Variants in CCSER1 observed in about 807,000 individuals in gnomAD.
The protein encoded by CCSER1 is serine-rich coiled-coil domain-containing protein 1.
Under a neutral mutation model 82.0 loss-of-function variants are expected in CCSER1, and 41 were observed. The ratio of observed to expected loss-of-function variants is 0.50; its 90% CI spans 0.39 to 0.65. The LOEUF (loss-of-function observed/expected upper bound fraction) is 0.65. Ranked by LOEUF, CCSER1 falls within the 30% of genes least tolerant of loss-of-function variation. The pLI, the probability that CCSER1 is intolerant of heterozygous loss-of-function variation, is 0.00. For synonymous variants in CCSER1, 414 were observed against 383.9 expected (o/e 1.08, Z -0.92); for missense variants, 1,119 against 1,064.2 (o/e 1.05, Z -0.72).
intron 10 of CCSER1, 26 bp from the exon 11 acceptor site, chr4:91,598,546 C>A (rs1213512596): frequency 6.6e-7 from 1 of 1,518,388 alleles, no homozygotes; most frequent in Non-Finnish European, 8.8e-7. Flanking sequence ...TTTAAGACAT[C>A]TTTTTCTTTC....
At chr4:91,453,954 T>C (rs1227376395) in intron 10 of CCSER1, among the ~76,000 whole-genome samples, 2 of 152,096 alleles carry the variant, frequency 1.3e-5, no homozygotes, top group East Asian at 1.9e-4. Flanking sequence ...TAATGAGGTA[T>C]GTTTACAGTG....
chr4:91,347,064 C>G (rs1429823349), intron 10 of CCSER1, among the ~76,000 whole-genome samples: 1 of 151,932 alleles, frequency 6.6e-6, no homozygotes, highest in Non-Finnish European at 1.5e-5. Context: ...AATTCATCAC[C>G]AAACTCAAGG....
At chr4:91,451,842 C>T (rs1393409118) in intron 10 of CCSER1, among the ~76,000 whole-genome samples, 1 of 151,614 alleles carries the variant, frequency 6.6e-6, no homozygotes, top group African/African-American at 2.4e-5. Context: ...ATGCAAAGTC[C>T]CAGTTTCATA....
intron 8 of CCSER1, among the ~76,000 whole-genome samples, chr4:90,888,411 T>C (rs1356676522): frequency 6.6e-6 from 1 of 152,146 alleles, no homozygotes; most frequent in African/African-American, 2.4e-5. Flanking sequence ...GAAAGAGTAG[T>C]GAACAAGAAG....
At chr4:91,087,760 T>C (rs1723529268) in intron 10 of CCSER1, among the ~76,000 whole-genome samples, 1 of 152,102 alleles carries the variant, frequency 6.6e-6, no homozygotes, top group Non-Finnish European at 1.5e-5. Flanking sequence ...AAAGTAAATG[T>C]CAACTATTAA....
At chr4:90,361,538 G>T (rs1420734545) in intron 3 of CCSER1, among the ~76,000 whole-genome samples, 1 of 152,154 alleles carries the variant, frequency 6.6e-6, no homozygotes, top group African/African-American at 2.4e-5. Flanking sequence ...GGGTATTTGT[G>T]AAAGTTTGTT....
At chr4:90,266,063 C>G (rs887530693) in intron 1 of CCSER1, among the ~76,000 whole-genome samples, 1 of 152,034 alleles carries the variant, frequency 6.6e-6, no homozygotes, top group Non-Finnish European at 1.5e-5. Flanking sequence ...ACAACCATAG[C>G]TAAATATTTA....
chr4:91,297,395 G>GTGTGTA, intron 10 of CCSER1, among the ~76,000 whole-genome samples: 1 of 146,910 alleles, frequency 6.8e-6, no homozygotes, highest in Admixed American at 6.9e-5. Flanking sequence ...ATGTGTGTGT[G>GTGTGTA]TGTGTGTGTG....
intron 3 of CCSER1, among the ~76,000 whole-genome samples, chr4:90,384,052 G>T (rs1653489973): frequency 6.6e-6 from 1 of 151,766 alleles, no homozygotes; most frequent in African/African-American, 2.4e-5. Flanking sequence ...TGAACTACCA[G>T]GCCCAGCCAA....
At chr4:90,482,320 C>T (rs1010408259) in intron 5 of CCSER1, among the ~76,000 whole-genome samples, 8 of 152,090 alleles carry the variant, frequency 5.3e-5, no homozygotes, top group African/African-American at 1.9e-4. Flanking sequence ...TTCAAAAAAC[C>T]AGCTCCTGGA....
chr4:91,246,464 G>A (rs1189522195), intron 10 of CCSER1, among the ~76,000 whole-genome samples: 1 of 152,052 alleles, frequency 6.6e-6, no homozygotes, highest in Admixed American at 6.6e-5. Context: ...GGAAAGACAG[G>A]CAAGAAGACT....
At chr4:91,197,301 G>A (rs186452307) in intron 10 of CCSER1, among the ~76,000 whole-genome samples, 69 of 152,204 alleles carry the variant, frequency 4.5e-4, no homozygotes, top group Admixed American at 7.9e-4. Flanking sequence ...CTAATTGGTA[G>A]GACCCATCCT....
intron 10 of CCSER1, among the ~76,000 whole-genome samples, chr4:91,296,483 A>ATATTTATTTATTTATTTATT (rs1553921463): frequency 1.6e-5 from 2 of 124,068 alleles, no homozygotes; most frequent in African/African-American, 6.9e-5. Flanking sequence ...ATATATATAT[A>ATATTTATTTATTTATTTATT]TATTTTAATT....
intron 10 of CCSER1, among the ~76,000 whole-genome samples, chr4:91,090,372 G>A (rs1464782870): frequency 6.6e-6 from 1 of 152,088 alleles, no homozygotes; most frequent in Non-Finnish European, 1.5e-5. Flanking sequence ...AATTCTGGGT[G>A]GGCTCAAACA....
intron 1 of CCSER1, among the ~76,000 whole-genome samples, chr4:90,217,735 T>G (rs1357967140): frequency 6.6e-6 from 1 of 152,156 alleles, no homozygotes; most frequent in Non-Finnish European, 1.5e-5. Flanking sequence ...GTGTGTTTGT[T>G]ATAAATGGCT....
chr4:91,135,089 AT>A (rs1728346843), intron 10 of CCSER1, among the ~76,000 whole-genome samples: 1 of 151,812 alleles, frequency 6.6e-6, no homozygotes, highest in South Asian at 2.1e-4. Flanking sequence ...TTCTTACTTA[AT>A]TTTCCCCCCA....
intron 10 of CCSER1, among the ~76,000 whole-genome samples, chr4:91,106,306 T>C (rs908992588): frequency 1.3e-5 from 2 of 152,188 alleles, no homozygotes; most frequent in African/African-American, 4.8e-5. Context: ...TGAATAACTT[T>C]CCCGAAGTCA....
intron 8 of CCSER1, among the ~76,000 whole-genome samples, chr4:90,899,707 T>A (rs1231845551): frequency 6.6e-6 from 1 of 152,058 alleles, no homozygotes; most frequent in East Asian, 1.9e-4. Flanking sequence ...ACTGAGATAA[T>A]GATAGGGTTT....
intron 6 of CCSER1, among the ~76,000 whole-genome samples, chr4:90,650,971 T>G (rs1334264877): frequency 2.0e-5 from 3 of 152,356 alleles, no homozygotes; most frequent in Middle Eastern, 3.4e-3. Flanking sequence ...ATCTTGTCTC[T>G]GACGTTTGCA....
Sources: gnomAD v4.1 joint callset for allele counts (sites outside exome capture counted in the v4.1 genomes callset) on GRCh38, gnomAD v4.1.1 for gene constraint, MANE v1.5 for transcripts, NCBI Gene and HGNC (gene_info 2026-07-23, HGNC 2026-07-21) for gene names.